HDAC4: variants seen among roughly 807,000 people sequenced by gnomAD.
The protein encoded by HDAC4 is histone deacetylase 4, also known as histone deacetylase A.
A neutral mutation model predicts 135.1 loss-of-function variants in HDAC4; 16 were observed. The ratio of observed to expected loss-of-function variants is 0.12; its 90% CI spans 0.08 to 0.18. The LOEUF is 0.18. Ranked by LOEUF, HDAC4 falls within the 10% of genes least tolerant of loss-of-function variation. The probability of loss-of-function intolerance (pLI) is 1.00; values close to 1 mark genes in which losing one functional copy is unlikely to be tolerated. For missense variants in HDAC4, 1,143 were observed against 1,511.8 expected, an observed-to-expected ratio of 0.76 and a Z score of 4.05; for synonymous variants, 685 against 653.4, an observed-to-expected ratio of 1.05 and a Z score of -0.74.
At chr2:239,189,764 G>C in intron 4 of HDAC4, 69 bp downstream of exon 4, 1 of 1,481,004 alleles carries the variant, frequency 6.8e-7, no homozygotes, top group Non-Finnish European at 9.2e-7. Context: ...CGCGGAGGCA[G>C]GGCTGGAGTC....
intron 1 of HDAC4, among the ~76,000 whole-genome samples, chr2:239,385,699 T>TAC (rs1322449159): frequency 2.6e-5 from 4 of 152,210 alleles, no homozygotes; most frequent in Non-Finnish European, 5.9e-5. Flanking sequence ...GACCATGTGA[T>TAC]ACAACAGGAC....
At chr2:239,210,118 C>T (rs944290588) in intron 3 of HDAC4, among the ~76,000 whole-genome samples, 18 of 152,152 alleles carry the variant, frequency 1.2e-4, no homozygotes, top group Admixed American at 9.8e-4. Flanking sequence ...TTGAAAAATT[C>T]CTGCACGTCT....
At chr2:239,234,917 G>A (rs1248983151) in intron 3 of HDAC4, among the ~76,000 whole-genome samples, 5 of 152,058 alleles carry the variant, frequency 3.3e-5, no homozygotes, top group African/African-American at 9.7e-5. Context: ...CTCGTGCCAC[G>A]CCTGGTTAAG....
intron 8 of HDAC4, among the ~76,000 whole-genome samples, chr2:239,143,483 C>T (rs2041543054): frequency 6.6e-6 from 1 of 152,152 alleles, no homozygotes; most frequent in African/African-American, 2.4e-5. Context: ...CTATAATGGC[C>T]AGAGGAAAGA....
chr2:239,117,442 C>T (rs1216515158), intron 12 of HDAC4, among the ~76,000 whole-genome samples: 4 of 151,960 alleles, frequency 2.6e-5, no homozygotes, highest in Non-Finnish European at 5.9e-5. Context: ...GTGGCCAGGA[C>T]AACTCCTTCG....
intron 12 of HDAC4, among the ~76,000 whole-genome samples, chr2:239,120,490 A>AATACACAT (rs1298746699): frequency 6.6e-6 from 1 of 151,622 alleles, no homozygotes; most frequent in Non-Finnish European, 1.5e-5. Flanking sequence ...CAGATACACA[A>AATACACAT]ATACACATAG....
At chr2:239,088,576 G>A (rs1260108009) in intron 18 of HDAC4, among the ~76,000 whole-genome samples, 3 of 152,232 alleles carry the variant, frequency 2.0e-5, no homozygotes, top group East Asian at 1.9e-4. Flanking sequence ...TGCGCCGATG[G>A]TGCTGAAGCA....
At chr2:239,196,210 C>A (rs1429548965) in intron 3 of HDAC4, among the ~76,000 whole-genome samples, 4 of 152,130 alleles carry the variant, frequency 2.6e-5, no homozygotes, top group Non-Finnish European at 5.9e-5. Flanking sequence ...ATCAGAAATG[C>A]ATGACTTAGC....
chr2:239,160,673 AG>A, intron 6 of HDAC4, among the ~76,000 whole-genome samples: 1 of 152,298 alleles, frequency 6.6e-6, no homozygotes, highest in East Asian at 1.9e-4. Context: ...GTAGCAGTGC[AG>A]GGGCCCCAGT....
At chr2:239,221,243 G>A (rs915349280) in intron 3 of HDAC4, among the ~76,000 whole-genome samples, 1 of 152,160 alleles carries the variant, frequency 6.6e-6, no homozygotes, top group African/African-American at 2.4e-5. Context: ...CCCGTTCTCT[G>A]ACATAAACCG....
intron 4 of HDAC4, among the ~76,000 whole-genome samples, chr2:239,186,082 G>A (rs992176240): frequency 2.6e-5 from 4 of 151,864 alleles, no homozygotes; most frequent in Non-Finnish European, 4.4e-5. Flanking sequence ...GAACTTCCAC[G>A]CTTACCTGGG....
chr2:239,053,567 G>A lies in HDAC4; in HGVS notation c.3123C>T (p.Ser1041=). The change falls in exon 26 of 27, where the codon TCC becomes TCT. Residue 1041 remains serine (S), a synonymous_variant. Transcript: ENST00000543185. ...CCTCGATCAGAGAACGCCCCGCTGT[G>A]GAGGTTGTGCGCTGCAGGCAGCGCC... is the stretch of plus-strand genomic sequence containing the variant. ...KYWRCLQRTT[S]TAGRSLIEAQ... 1.2e-6 allele frequency: 2 copies of A among 1,613,964 alleles called. No individual in the cohort carries two copies. Among genetic ancestry groups the A allele is most frequent in the Non-Finnish European group, 1.7e-6 (2 of 1,179,992 alleles).
intron 2 of HDAC4, among the ~76,000 whole-genome samples, chr2:239,265,026 T>A (rs1016728456): frequency 2.0e-5 from 3 of 152,004 alleles, no homozygotes; most frequent in Non-Finnish European, 4.4e-5. Context: ...CGGGCTGAAG[T>A]GGACAGGGGT....
At chr2:239,230,368 C>CAAAAAAAAAAAAAAAAAAAAAAAGAAAA (rs56105562) in intron 3 of HDAC4, among the ~76,000 whole-genome samples, 1 of 79,394 alleles carries the variant, frequency 1.3e-5, no homozygotes. Flanking sequence ...AGCAAGCAAG[C>CAAAAAAAAAAAAAAAAAAAAAAAGAAAA]AAAAAAAAAA....
chr2:239,202,365 G>C (rs1220666935), intron 3 of HDAC4, among the ~76,000 whole-genome samples: 2 of 152,204 alleles, frequency 1.3e-5, no homozygotes, highest in African/African-American at 2.4e-5. Flanking sequence ...GTGGACTTAA[G>C]ACACGAGAAG....
At position 239,065,635 on chromosome 2, in the gene HDAC4, T is replaced by A. The variant is rs372046734; in HGVS notation, c.3003+1087A>T. On this transcript the variant is annotated intron_variant, in intron 24 of 26. Coordinates refer to ENST00000543185, the MANE Select transcript of HDAC4 (RefSeq NM_001378414.1). ...AGGACTGCCGGGCTGGGGAGGGCAG[T>A]CCCAGAGGGCACAGGAGGCAGACTC... is the stretch of plus-strand genomic sequence containing the variant. 1.4e-4 allele frequency among the ~76,000 whole-genome samples: 22 copies of A among 152,258 alleles called. No individual in the cohort carries two copies. The South Asian group carries it at 1.5e-3, about 10-fold the overall frequency.
At chr2:239,091,637 G>A (rs552807340) in intron 17 of HDAC4, 11 of 152,354 alleles carry the variant, frequency 7.2e-5, no homozygotes, top group Non-Finnish European at 1.5e-4. Flanking sequence ...CTCATTATGT[G>A]GGGAGGGAGG....
chr2:239,130,611 C>T (rs1280777749), intron 11 of HDAC4, among the ~76,000 whole-genome samples: 4 of 139,256 alleles, frequency 2.9e-5, no homozygotes, highest in African/African-American at 9.9e-5. Flanking sequence ...ACAGGGCCAC[C>T]TCCACGAGGC....
rs1416668131 is a variant in HDAC4, at chr2:239,400,150, G to A, written c.-220+828C>T. On this transcript the variant is annotated intron_variant, in intron 1 of 26. Coordinates refer to ENST00000543185, the MANE Select transcript of HDAC4 (RefSeq NM_001378414.1). This position sits in a 1 kb window ranked among gnomAD's most constrained non-coding sequence, Gnocchi z 4.7. Reference sequence around the variant, plus strand: ...CCCGAGCGGGACCGGGCCCCGTCTCGGCCTGCTGGCGCCCTGCGGGCTGAG... The same window carrying A: ...CCCGAGCGGGACCGGGCCCCGTCTCAGCCTGCTGGCGCCCTGCGGGCTGAG... 2.0e-5 allele frequency among the ~76,000 whole-genome samples: 3 copies of A among 151,450 alleles called. No homozygotes were observed. Among genetic ancestry groups the A allele is most frequent in the South Asian group, 4.2e-4 (2 of 4,812 alleles).
Sources: gnomAD v4.1 joint callset for allele counts (sites outside exome capture counted in the v4.1 genomes callset) on GRCh38, gnomAD v4.1.1 for gene constraint, Gnocchi (gnomAD v3.1) non-coding constraint, MANE v1.5 for transcripts, NCBI Gene and HGNC (gene_info 2026-07-23, HGNC 2026-07-21) for gene names.